CDH22: variants seen among roughly 807,000 people sequenced by gnomAD.
The protein encoded by CDH22 is cadherin-22.
CDH22 carries 30 observed loss-of-function variants against 58.4 expected under a neutral mutation model. That is an observed-to-expected ratio of 0.51 (90% CI 0.38 to 0.70). The LOEUF (loss-of-function observed/expected upper bound fraction) is 0.70, where lower values mean the gene tolerates loss of function less well. Ranked by LOEUF, CDH22 falls within the 30% of genes least tolerant of loss-of-function variation. The pLI is 0.00. For synonymous variants in CDH22, 513 were observed against 558.2 expected (o/e 0.92, Z 1.14); for missense variants, 1,014 against 1,233.9 (o/e 0.82, Z 2.67).
chr20:46,298,504 C>T (rs1050478349), intron 1 of CDH22, among the ~76,000 whole-genome samples: 10 of 151,904 alleles, frequency 6.6e-5, no homozygotes, highest in Admixed American at 4.6e-4. Context: ...TGGTGATACA[C>T]GTGTAGGTAA....
Position 46,249,290 on chromosome 20 carries a change from G to T in CDH22, c.255+1750C>A, listed in dbSNP as rs554731998. 4.6e-5 allele frequency among the ~76,000 whole-genome samples: 7 copies of T among 152,242 alleles called. No homozygotes were observed. The East Asian group carries it at 1.3e-3, about 29-fold the overall frequency. On this transcript the variant is annotated intron_variant, in intron 2 of 11. Transcript: ENST00000537909. ...AGCAGGCTTGGTCACTCCATCCCCA[G>T]CCCTTGCCCCATTCTACCAGCGTCA...
intron 2 of CDH22, among the ~76,000 whole-genome samples, chr20:46,250,249 C>G (rs1204601841): frequency 1.3e-5 from 2 of 152,222 alleles, no homozygotes; most frequent in Non-Finnish European, 2.9e-5. Context: ...CGTTTGCAAG[C>G]AATGTCTGTG....
At position 46,210,399 on chromosome 20, in the gene CDH22, G is replaced by A. The variant is rs973348732; in HGVS notation, c.1194C>T (p.Ser398=). The A allele has an allele frequency of 7.5e-6, 11 of 1,465,462 alleles. No individual in the cohort carries two copies. The highest frequency in any genetic ancestry group is 9.0e-6 in the Non-Finnish European group (10 of 1,109,598). 90.8% of individuals were successfully genotyped at this position (1,465,462 alleles called of 1,614,324 possible). A position where few individuals can be genotyped will look rare whatever the true frequency, so the allele number is the denominator to read the frequency against. Residue 398 remains serine, a synonymous_variant, in exon 7 of 12, where the codon TCC becomes TCT. Transcript: ENST00000537909. The surrounding 1 kb of genome is among the most constrained non-coding windows in gnomAD (Gnocchi z 4.5). Reference sequence around the variant, plus strand: ...CGTCCTCCTGCACCTCCAGGAGGCCGGAGGGCGGCCGGAACTCGGGGGGCT... The same window carrying A: ...CGTCCTCCTGCACCTCCAGGAGGCCAGAGGGCGGCCGGAACTCGGGGGGCT... ...VDEPPEFRPP[S]GLLEVQEDAQ...
chr20:46,251,371 T>TGCG lies in CDH22; in HGVS notation c.-80_-78dup. On this transcript the variant is annotated 5_prime_UTR_variant, in exon 2 of 12. Coordinates refer to ENST00000537909, the MANE Select transcript of CDH22 (RefSeq NM_021248.3). The surrounding 1 kb of genome is among the most constrained non-coding windows in gnomAD (Gnocchi z 6.7). ...GCGCCGCTGCTTGGTCGCACAACGA[T>TGCG]GCGGCGCCGTGTCACATGGTGGCCT... is the stretch of plus-strand genomic sequence containing the variant. 7.3e-7 allele frequency: 1 copy of TGCG among 1,374,326 alleles called. No homozygotes were observed. The highest frequency in any genetic ancestry group is 2.0e-4 in the Middle Eastern group (1 of 4,950). The allele number at this position is 1,374,326 out of a possible 1,614,324, so 85.1% of individuals were successfully genotyped here. A position where few individuals can be genotyped will look rare whatever the true frequency, so the allele number is the denominator to read the frequency against.
intron 8 of CDH22, among the ~76,000 whole-genome samples, chr20:46,198,732 G>T (rs887832908): frequency 3.3e-5 from 5 of 152,128 alleles, no homozygotes; most frequent in African/African-American, 9.7e-5. Context: ...AACCACACTG[G>T]CCTCTTTGCT....
In CDH22 at chr20:46,226,292, C is replaced by CTTTTT. The variant is rs1349617347; in HGVS notation, c.670+1211_670+1215dup. 1.5e-4 allele frequency among the ~76,000 whole-genome samples: 16 copies of CTTTTT among 105,458 alleles called. 1 individual carries two copies. The highest frequency in any genetic ancestry group is 7.6e-4 in the African/African-American group (15 of 19,674). The allele number at this position is 105,458 out of a possible 152,430, so 69.2% of individuals were successfully genotyped here. A position where few individuals can be genotyped will look rare whatever the true frequency, so the allele number is the denominator to read the frequency against. ...TCTTCTTCTTCTTCTTCTTCTTCTT[C>CTTTTT]TTTTTTTTTTTGAGACAGGGTCTTG... On this transcript the variant is annotated intron_variant, in intron 4 of 11. Transcript: ENST00000537909.
At chr20:46,232,161 CT>C (rs923253919) in intron 3 of CDH22, among the ~76,000 whole-genome samples, 22 of 151,716 alleles carry the variant, frequency 1.5e-4, no homozygotes, top group African/African-American at 3.4e-4. Flanking sequence ...GGCCAGAATT[CT>C]TTTTTTTTCT....
At chr20:46,226,244 CTTCTTCTT>C (rs2086170970) in intron 4 of CDH22, among the ~76,000 whole-genome samples, 5 of 8,938 alleles carry the variant, frequency 5.6e-4, no homozygotes, top group Middle Eastern at 0.045. Context: ...TCTTCTTCTT[CTTCTTCTT>C]CTTCTTCTTC....
chr20:46,236,483 A>G (rs1277360869), intron 3 of CDH22, among the ~76,000 whole-genome samples: 2 of 143,386 alleles, frequency 1.4e-5, no homozygotes, highest in Admixed American at 1.5e-4. Flanking sequence ...CATTTTATAT[A>G]TCTATATAAA....
chr20:46,268,943 T>C (rs2086474721), intron 1 of CDH22, among the ~76,000 whole-genome samples: 1 of 152,252 alleles, frequency 6.6e-6, no homozygotes, highest in Non-Finnish European at 1.5e-5. Context: ...CTGCTGCTTT[T>C]GGATGTTCAA....
chr20:46,280,375 G>A (rs539697257), intron 1 of CDH22, among the ~76,000 whole-genome samples: 3 of 152,254 alleles, frequency 2.0e-5, no homozygotes, highest in South Asian at 2.1e-4. Context: ...AGCTGAGATC[G>A]CGCCACCGCA....
chr20:46,287,503 G>A (rs551118365), intron 1 of CDH22, among the ~76,000 whole-genome samples: 4 of 152,116 alleles, frequency 2.6e-5, no homozygotes, highest in African/African-American at 9.6e-5. Flanking sequence ...GGCGAGGGCA[G>A]CCAGGTGGAG....
chr20:46,219,243 C>G (rs1426145562), intron 4 of CDH22, among the ~76,000 whole-genome samples: 2 of 152,192 alleles, frequency 1.3e-5, no homozygotes, highest in African/African-American at 2.4e-5. Flanking sequence ...AGTAGGCCCC[C>G]TCCTGACCCC....
intron 1 of CDH22, among the ~76,000 whole-genome samples, chr20:46,275,348 C>T (rs2086512576): frequency 6.6e-6 from 1 of 152,176 alleles, no homozygotes; most frequent in South Asian, 2.1e-4. Context: ...GTGGGCCTCC[C>T]TCCCTTGCCA....
intron 1 of CDH22, among the ~76,000 whole-genome samples, chr20:46,273,410 T>C (rs1198468454): frequency 6.6e-6 from 1 of 152,208 alleles, no homozygotes; most frequent in African/African-American, 2.4e-5. Flanking sequence ...GCTGAAGAGT[T>C]GGCCCCAAAA....
Position 46,174,842 on chromosome 20 carries a change from GCCCCC to G in CDH22, c.2146_2150del (p.Gly716ArgfsTer160). 1 of 1,324,340 alleles carries G rather than the reference GCCCCC, an allele frequency of 7.6e-7. No homozygotes were observed. The highest frequency in any genetic ancestry group is 9.6e-7 in the Non-Finnish European group (1 of 1,042,570). The allele number at this position is 1,324,340 out of a possible 1,614,324, so 82.0% of individuals were successfully genotyped here. A position where few individuals can be genotyped will look rare whatever the true frequency, so the allele number is the denominator to read the frequency against. On this transcript the variant is annotated frameshift_variant, in exon 12 of 12. Transcript: ENST00000537909. LOFTEE classifies it low-confidence loss of function (END_TRUNC). The surrounding 1 kb of genome is among the most constrained non-coding windows in gnomAD (Gnocchi z 4.4). ...GGTGGGCCTGCGGGGGGCTGCCCGC[GCCCCC>G]GCCCGAGCCCCCGCCCGCTCCCCCG...
At chr20:46,235,651 C>T (rs141553470) in intron 3 of CDH22, among the ~76,000 whole-genome samples, 60 of 152,320 alleles carry the variant, frequency 3.9e-4, no homozygotes, top group Admixed American at 5.9e-4. Flanking sequence ...ACTTCAGCAT[C>T]GTCCTTGTCT....
chr20:46,231,873 C>T (rs1568667239), intron 3 of CDH22, among the ~76,000 whole-genome samples: 1 of 152,208 alleles, frequency 6.6e-6, no homozygotes, highest in Admixed American at 6.5e-5. Flanking sequence ...CATTTCCTCA[C>T]CTGTAACATT....
chr20:46,265,921 G>A (rs2086457199), intron 1 of CDH22, among the ~76,000 whole-genome samples: 2 of 149,478 alleles, frequency 1.3e-5, no homozygotes, highest in South Asian at 4.3e-4. Context: ...CTACATCTGG[G>A]AGCTGTGCAC....
Sources: gnomAD v4.1 joint callset for allele counts (sites outside exome capture counted in the v4.1 genomes callset) on GRCh38, gnomAD v4.1.1 for gene constraint, Gnocchi (gnomAD v3.1) non-coding constraint, MANE v1.5 for transcripts, NCBI Gene and HGNC (gene_info 2026-07-23, HGNC 2026-07-21) for gene names.